The following GTF2IRD2 variants were observed in gnomAD, a reference collection of about 807,000 sequenced individuals.
GTF2IRD2 encodes general transcription factor II-I repeat domain-containing protein 2A.
In GTF2IRD2, 8 loss-of-function variants were observed where a neutral mutation model predicts 49.2. The ratio of observed to expected loss-of-function variants is 0.16; its 90% confidence interval spans 0.10 to 0.29. The LOEUF (loss-of-function observed/expected upper bound fraction) is 0.29. Among genes scored for constraint, GTF2IRD2 ranks in the 10% least tolerant of loss-of-function variants. GTF2IRD2 has a pLI of 1.00. For missense variants in GTF2IRD2, 130 were observed against 725.7 expected, an observed-to-expected ratio of 0.18 and a Z score of 9.43; for synonymous variants, 47 against 289.7, an observed-to-expected ratio of 0.16 and a Z score of 8.51.
intron 1 of GTF2IRD2, among the ~76,000 whole-genome samples, chr7:74,848,833 TA>T (rs1401066964): frequency 7.9e-5 from 5 of 62,974 alleles, no homozygotes; most frequent in Admixed American, 1.6e-4. Flanking sequence ...GAGACTGTCT[TA>T]AAAAAAAAAT....
intron 8 of GTF2IRD2, chr7:74,818,741 C>T (rs1798666021): frequency 6.7e-6 from 1 of 150,298 alleles, no homozygotes; most frequent in Non-Finnish European, 1.5e-5. Context: ...TGAGCCCGCA[C>T]ACCCTGCCAA....
At chr7:74,815,857 A>AGAAAGAAG (rs1554418125) in intron 8 of GTF2IRD2, among the ~76,000 whole-genome samples, 17 of 106,768 alleles carry the variant, frequency 1.6e-4, no homozygotes, top group African/African-American at 6.6e-4. Context: ...AAAGAAAGAA[A>AGAAAGAAG]GAAAGAAAGA....
intron 2 of GTF2IRD2, 102 bp downstream of exon 2, chr7:74,836,178 A>G (rs1274343799): frequency 2.7e-4 from 399 of 1,457,186 alleles, no homozygotes; most frequent in Middle Eastern, 9.2e-4. Context: ...CTTAAAAAAA[A>G]GAAAAGAAAA....
At chr7:74,842,126 A>C (rs1800888009) in intron 1 of GTF2IRD2, among the ~76,000 whole-genome samples, 1 of 11,036 alleles carries the variant, frequency 9.1e-5, no homozygotes, top group Non-Finnish European at 1.6e-4. Flanking sequence ...TCCGTCTCAC[A>C]AAAAAAACAA....
chr7:74,841,959 A>G (rs1554421920), intron 1 of GTF2IRD2, among the ~76,000 whole-genome samples: 1 of 135,896 alleles, frequency 7.4e-6, no homozygotes, highest in Non-Finnish European at 1.5e-5. Context: ...CTTTGTCTCT[A>G]CTAAAAATAC....
At position 74,796,162 on chromosome 7, in the gene GTF2IRD2, A is replaced by AT. The variant is rs1478993888; in HGVS notation, c.*499dup. 1 of 149,214 alleles carries AT rather than the reference A, an allele frequency of 6.7e-6. No homozygotes were observed. Among genetic ancestry groups the AT allele is most frequent in the African/African-American group, 2.6e-5 (1 of 38,454 alleles). 9.2% of individuals were successfully genotyped at this position (149,214 alleles called of 1,614,324 possible). ...CCAATAATACAATAAAACTTTCTTG[A>AT]TTTTTAATGAATAGTGAGGCATACA... On this transcript the variant is annotated 3_prime_UTR_variant, in exon 16 of 16. Transcript: ENST00000451013.
chr7:74,798,419 C>T (rs1367797237), intron 15 of GTF2IRD2, among the ~76,000 whole-genome samples, 154 bp from the exon 16 acceptor site: 6 of 151,428 alleles, frequency 4.0e-5, no homozygotes, highest in South Asian at 2.1e-4. Flanking sequence ...TGCAGAGGGA[C>T]GGCTGACCCT....
intron 4 of GTF2IRD2, among the ~76,000 whole-genome samples, chr7:74,824,200 G>A (rs1257638849): frequency 5.4e-5 from 7 of 130,400 alleles, no homozygotes; most frequent in South Asian, 2.6e-4. Context: ...CAGGCACGGC[G>A]GCTCACACCT....
At chr7:74,829,389 T>G in intron 3 of GTF2IRD2, among the ~76,000 whole-genome samples, 1 of 32,904 alleles carries the variant, frequency 3.0e-5, no homozygotes, top group South Asian at 1.0e-3. Context: ...AGCAAGACTC[T>G]GTCTCTCAAA....
chr7:74,838,041 C>T (rs1190035809), intron 1 of GTF2IRD2, among the ~76,000 whole-genome samples: 1 of 61,882 alleles, frequency 1.6e-5, no homozygotes, highest in Non-Finnish European at 2.7e-5. Flanking sequence ...TGAGCCACCG[C>T]GCCCGGCCCG....
chr7:74,818,393 A>G (rs782395024), intron 8 of GTF2IRD2, among the ~76,000 whole-genome samples: 26 of 145,008 alleles, frequency 1.8e-4, no homozygotes, highest in Non-Finnish European at 3.7e-4. Context: ...GTCCAAAAGT[A>G]TGTGTATTTA....
At chr7:74,824,824 G>A (rs587680890) in intron 4 of GTF2IRD2, 109 bp downstream of exon 4, 24 of 370,174 alleles carry the variant, frequency 6.5e-5, no homozygotes, top group Middle Eastern at 2.0e-3. Flanking sequence ...CCCAGGAGGC[G>A]GAGGTTGCAG....
Position 74,813,334 on chromosome 7 carries a change from G to A in GTF2IRD2, c.671-518C>T, listed in dbSNP as rs1471189340. ...GTGGAGGTTGCAGTGAGCTGAGATC[G>A]AGCCACTGCACTCCAGCTGGTTGAT... On this transcript the variant is annotated intron_variant, in intron 8 of 15. Coordinates refer to ENST00000451013, the MANE Select transcript of GTF2IRD2 (RefSeq NM_173537.5). Among the ~76,000 whole-genome samples the A allele has an allele frequency of 5.9e-5, 2 of 34,096 alleles. 1 individual carries two copies. The allele number at this position is 34,096 out of a possible 152,430, so 22.4% of individuals were successfully genotyped here. A position where few individuals can be genotyped will look rare whatever the true frequency, so the allele number is the denominator to read the frequency against.
intron 1 of GTF2IRD2, among the ~76,000 whole-genome samples, chr7:74,843,871 CT>C (rs782124306): frequency 4.0e-4 from 4 of 9,922 alleles, no homozygotes; most frequent in African/African-American, 5.8e-4. Flanking sequence ...AAAAATTCTT[CT>C]TTTTTTTTTT....
chr7:74,796,351 G>T lies in GTF2IRD2; in HGVS notation c.*311C>A, dbSNP rs1331295306. ...AGGTCGAGGCAGGTGGATCACCTGA[G>T]GTCAGGAGTTGGAGACCAGCCTGGC... On this transcript the variant is annotated 3_prime_UTR_variant, in exon 16 of 16. Transcript: ENST00000451013. 59 of 370,034 alleles carry T rather than the reference G, an allele frequency of 1.6e-4. No individual in the cohort carries two copies. Among genetic ancestry groups the T allele is most frequent in the African/African-American group, 1.2e-3 (57 of 47,508 alleles). The allele number at this position is 370,034 out of a possible 1,614,324, so 22.9% of individuals were successfully genotyped here.
intron 4 of GTF2IRD2, among the ~76,000 whole-genome samples, chr7:74,824,241 G>A (rs1465977001): frequency 8.1e-5 from 8 of 98,218 alleles, no homozygotes; most frequent in Admixed American, 1.2e-4. Flanking sequence ...GGTCGAGGCA[G>A]GAGGATCACC....
chr7:74,833,235 G>GTT (rs1799997884), intron 2 of GTF2IRD2, among the ~76,000 whole-genome samples: 1 of 124,890 alleles, frequency 8.0e-6, no homozygotes, highest in Admixed American at 8.2e-5. Context: ...GTGTGTGTGT[G>GTT]TGTGTGTGTG....
chr7:74,838,336 T>C (rs2131798869), intron 1 of GTF2IRD2, among the ~76,000 whole-genome samples: 1 of 133,542 alleles, frequency 7.5e-6, no homozygotes, highest in East Asian at 2.0e-4. Context: ...CCACTTCCCT[T>C]CGGACTTCTG....
intron 3 of GTF2IRD2, among the ~76,000 whole-genome samples, 164 bp from the exon 4 acceptor site, chr7:74,825,216 T>C (rs1204802266): frequency 1.5e-5 from 2 of 134,898 alleles, no homozygotes; most frequent in Non-Finnish European, 3.1e-5. Context: ...GATAAACAGG[T>C]TAATGAACTA....
Sources: allele counts gnomAD v4.1 joint callset (sites outside exome capture counted in the v4.1 genomes callset), GRCh38; gene constraint gnomAD v4.1.1; transcripts MANE v1.5; gene names NCBI Gene and HGNC (gene_info 2026-07-23, HGNC 2026-07-21).